The following PTAR1 variants were observed in gnomAD, a reference collection of about 807,000 sequenced individuals.
PTAR1 encodes protein prenyltransferase alpha subunit repeat-containing protein 1.
PTAR1 carries 17 observed loss-of-function variants against 45.5 expected under a neutral mutation model. That is an observed-to-expected ratio of 0.37 (90% CI 0.26 to 0.56). PTAR1 has a LOEUF of 0.56. PTAR1 is among the 20% of genes least tolerant of loss of function. The probability of loss-of-function intolerance (pLI) is 0.77; values close to 1 mark genes in which losing one functional copy is unlikely to be tolerated. For synonymous variants in PTAR1, 169 were observed against 171.3 expected, an observed-to-expected ratio of 0.99 and a Z score of 0.11; for missense variants, 391 against 476.3, an observed-to-expected ratio of 0.82 and a Z score of 1.67.
Position 69,717,533 on chromosome 9 carries a change from T to A in PTAR1, c.*809A>T, listed in dbSNP as rs369416744. 1.3e-5 allele frequency: 2 copies of A among 152,200 alleles called. No individual in the cohort carries two copies. The highest frequency in any genetic ancestry group is 4.8e-5 in the African/African-American group (2 of 41,456). 9.4% of individuals were successfully genotyped at this position (152,200 alleles called of 1,614,324 possible). On this transcript the variant is annotated 3_prime_UTR_variant, in exon 8 of 8. Coordinates refer to ENST00000340434, the MANE Select transcript of PTAR1 (RefSeq NM_001099666.2). ...AAAAATGGATTACATTGGAAGCATT[T>A]TTTTCATATAAATTCCAATACTTCT...
Position 69,718,489 on chromosome 9 carries a change from T to C in PTAR1, c.1062A>G (p.Lys354=). ...SSKQGYSQET[K]RLKRTPVPDS... ...CTGGAACTGGCGTCCGCTTCAGGCG[T>C]TTGGTTTCCTGGGAATAGCCTTGCT... is the stretch of plus-strand genomic sequence containing the variant. Residue 354 remains lysine, a synonymous_variant, in exon 8 of 8, where the codon AAA becomes AAG. Transcript: ENST00000340434. 6.2e-7 allele frequency: 1 copy of C among 1,613,740 alleles called. No individual in the cohort carries two copies. The highest frequency in any genetic ancestry group is 8.5e-7 in the Non-Finnish European group (1 of 1,179,718).
chr9:69,713,858 T>C lies in PTAR1; in HGVS notation c.*4484A>G, dbSNP rs1452023821. 6.6e-6 allele frequency: 1 copy of C among 152,050 alleles called. No individual in the cohort carries two copies. The allele number at this position is 152,050 out of a possible 1,614,324, so 9.4% of individuals were successfully genotyped here. A position where few individuals can be genotyped will look rare whatever the true frequency, so the allele number is the denominator to read the frequency against. ...CATCCTGCCTGCTTATATCAGTCTC[T>C]CACTGAAGGATAAAATACCCTACGG... On this transcript the variant is annotated 3_prime_UTR_variant, in exon 8 of 8. Coordinates refer to ENST00000340434, the MANE Select transcript of PTAR1 (RefSeq NM_001099666.2).
chr9:69,735,545 T>C (rs1825749143), intron 3 of PTAR1, among the ~76,000 whole-genome samples: 1 of 152,182 alleles, frequency 6.6e-6, no homozygotes, highest in Non-Finnish European at 1.5e-5. Flanking sequence ...GAGGGCCAAC[T>C]ATATAAAGAA....
chr9:69,751,101 T>C (rs1375495190), intron 1 of PTAR1, among the ~76,000 whole-genome samples, 151 bp from the exon 2 acceptor site: 2 of 152,112 alleles, frequency 1.3e-5, no homozygotes, highest in African/African-American at 2.4e-5. Context: ...TAGATGCTAA[T>C]AGTGGCAAGA....
At chr9:69,758,784 T>TAA in intron 1 of PTAR1, 5 of 191,090 alleles carry the variant, frequency 2.6e-5, no homozygotes, top group Admixed American at 5.9e-5. Context: ...TTAGAATACT[T>TAA]AAAAAAAAAA....
chr9:69,754,921 T>C lies in PTAR1; in HGVS notation c.87-3971A>G, dbSNP rs188666313. Among the ~76,000 whole-genome samples the C allele has an allele frequency of 2.0e-5, 3 of 150,722 alleles. No homozygotes were observed. In the East Asian group the frequency reaches 5.8e-4, roughly 29 times the overall value. ...TCATATTGAACATATTCTATAATCC[T>C]TTATGGAAAAAAACTGAGCAATTCC... On this transcript the variant is annotated intron_variant, in intron 1 of 7. Transcript: ENST00000340434.
intron 6 of PTAR1, among the ~76,000 whole-genome samples, chr9:69,722,647 A>G (rs1025929886): frequency 1.3e-5 from 2 of 151,936 alleles, no homozygotes; most frequent in Non-Finnish European, 2.9e-5. Context: ...AGGGGGGAAA[A>G]AAAAAAAAGG....
chr9:69,731,211 A>G (rs187494776), intron 5 of PTAR1, among the ~76,000 whole-genome samples: 1 of 152,294 alleles, frequency 6.6e-6, no homozygotes, highest in Admixed American at 6.5e-5. Flanking sequence ...GAGAAATGGG[A>G]GCATGGGAAG....
At chr9:69,749,917 A>G (rs1426467811) in intron 2 of PTAR1, among the ~76,000 whole-genome samples, 1 of 152,120 alleles carries the variant, frequency 6.6e-6, no homozygotes, top group Non-Finnish European at 1.5e-5. Context: ...ACTGGCAACT[A>G]AAATTCTCTA....
At chr9:69,725,199 T>C (rs1191186632) in intron 5 of PTAR1, among the ~76,000 whole-genome samples, 1 of 152,222 alleles carries the variant, frequency 6.6e-6, no homozygotes, top group South Asian at 2.1e-4. Context: ...AATGAACTTA[T>C]ATAATATGAA....
At chr9:69,755,834 T>C (rs1366358651) in intron 1 of PTAR1, among the ~76,000 whole-genome samples, 3 of 152,226 alleles carry the variant, frequency 2.0e-5, no homozygotes, top group African/African-American at 7.2e-5. Context: ...ATTATATTAC[T>C]GACCTTATTT....
At chr9:69,725,528 T>C (rs1210375838) in intron 5 of PTAR1, among the ~76,000 whole-genome samples, 1 of 151,738 alleles carries the variant, frequency 6.6e-6, no homozygotes, top group Non-Finnish European at 1.5e-5. Context: ...AGGTATAGGT[T>C]GCAGTGAGCC....
intron 1 of PTAR1, among the ~76,000 whole-genome samples, chr9:69,753,529 T>C (rs1209415723): frequency 1.3e-5 from 2 of 152,174 alleles, no homozygotes; most frequent in African/African-American, 2.4e-5. Flanking sequence ...TATACATACA[T>C]ATCAGTATCA....
chr9:69,718,303 G>A lies in PTAR1; in HGVS notation c.*39C>T. On this transcript the variant is annotated 3_prime_UTR_variant, in exon 8 of 8. Transcript: ENST00000340434. ...GTAAATAATAAAAGAAAGCAATATT[G>A]CACTAAAAGGGGAACCTTGTAGGAC... is the stretch of plus-strand genomic sequence containing the variant. The A allele has an allele frequency of 7.2e-7, 1 of 1,386,760 alleles. No individual in the cohort carries two copies. The highest frequency in any genetic ancestry group is 1.4e-5 in the African/African-American group (1 of 69,456). The allele number at this position is 1,386,760 out of a possible 1,614,324, so 85.9% of individuals were successfully genotyped here. A position where few individuals can be genotyped will look rare whatever the true frequency, so the allele number is the denominator to read the frequency against.
In PTAR1 at chr9:69,718,319, C is replaced by A. The variant is rs377370044; in HGVS notation, c.*23G>T. ...AGCAATATTGCACTAAAAGGGGAAC[C>A]TTGTAGGACTAATTCACCTCTTTCA... On this transcript the variant is annotated 3_prime_UTR_variant, in exon 8 of 8. Coordinates refer to ENST00000340434, the MANE Select transcript of PTAR1 (RefSeq NM_001099666.2). 6 of 1,531,596 alleles carry A rather than the reference C, an allele frequency of 3.9e-6. No individual in the cohort carries two copies. In the African/African-American group the frequency reaches 8.3e-5, roughly 21 times the overall value. 94.9% of individuals were successfully genotyped at this position (1,531,596 alleles called of 1,614,324 possible).
chr9:69,752,973 CTAAA>C (rs1826598654), intron 1 of PTAR1, among the ~76,000 whole-genome samples: 1 of 152,042 alleles, frequency 6.6e-6, no homozygotes, highest in East Asian at 1.9e-4. Flanking sequence ...TAAAGTAAAA[CTAAA>C]TAAGTAAATA....
chr9:69,720,423 G>A lies in PTAR1; in HGVS notation c.948-1739C>T, dbSNP rs115595209. Among the ~76,000 whole-genome samples, 911 of 152,320 alleles carry A rather than the reference G, an allele frequency of 6.0e-3. 8 individuals carry two copies. Among genetic ancestry groups the A allele is most frequent in the African/African-American group, 0.02 (848 of 41,564 alleles). ...GAGGTGAGGAAGTTGGAGAAAAAGA[G>A]TTTGGAGTTAGCAGAGATTGGATCA... On this transcript the variant is annotated intron_variant, in intron 6 of 7. Coordinates refer to ENST00000340434, the MANE Select transcript of PTAR1 (RefSeq NM_001099666.2).
chr9:69,730,018 C>A (rs1039246986), intron 5 of PTAR1, among the ~76,000 whole-genome samples: 1 of 152,014 alleles, frequency 6.6e-6, no homozygotes, highest in Non-Finnish European at 1.5e-5. Flanking sequence ...TATTTTTAAG[C>A]TGATTTAGAC....
At chr9:69,740,578 G>T (rs374397830) in intron 3 of PTAR1, among the ~76,000 whole-genome samples, 17 of 150,674 alleles carry the variant, frequency 1.1e-4, no homozygotes, top group African/African-American at 4.1e-4. Context: ...CACTGAATTT[G>T]ATTTCCGTGC....
Sources: gnomAD v4.1 joint callset for allele counts (sites outside exome capture counted in the v4.1 genomes callset) on GRCh38, gnomAD v4.1.1 for gene constraint, MANE v1.5 for transcripts, NCBI Gene and HGNC (gene_info 2026-07-23, HGNC 2026-07-21) for gene names.